Variants in DDHD1 observed in about 807,000 individuals in gnomAD.
DDHD1 encodes DDHD domain containing 1, also known as phospholipase DDHD1.
In DDHD1, 49 loss-of-function variants were observed where a neutral mutation model predicts 96.4. That is an observed-to-expected ratio of 0.51 (90% CI 0.40 to 0.64). The LOEUF is 0.64. DDHD1 is among the 30% of genes least tolerant of loss of function. The pLI is 0.00. For synonymous variants in DDHD1, 442 were observed against 446.5 expected (o/e 0.99, Z 0.13); for missense variants, 1,106 against 1,161.2 (o/e 0.95, Z 0.69).
intron 1 of DDHD1, among the ~76,000 whole-genome samples, chr14:53,136,076 CCCA>C (rs1349944507): frequency 2.0e-5 from 3 of 152,262 alleles, no homozygotes; most frequent in East Asian, 3.9e-4. Context: ...TGTAATTTCC[CCCA>C]CCCTTAAGAA....
chr14:53,070,963 G>C (rs563540582), intron 6 of DDHD1, among the ~76,000 whole-genome samples: 2 of 152,138 alleles, frequency 1.3e-5, no homozygotes, highest in African/African-American at 4.8e-5. Flanking sequence ...GGGATCTACA[G>C]GCAGCAACAC....
chr14:53,113,929 G>A (rs1249426241), intron 1 of DDHD1, among the ~76,000 whole-genome samples: 1 of 152,158 alleles, frequency 6.6e-6, no homozygotes, highest in Non-Finnish European at 1.5e-5. Context: ...CTCGCTCAGT[G>A]GGTCCCACTC....
At chr14:53,138,137 GC>G (rs1354785343) in intron 1 of DDHD1, among the ~76,000 whole-genome samples, 1 of 152,228 alleles carries the variant, frequency 6.6e-6, no homozygotes, top group African/African-American at 2.4e-5. Context: ...GGGTGCGGTG[GC>G]CCATGCCTGT....
intron 1 of DDHD1, among the ~76,000 whole-genome samples, chr14:53,123,811 G>C (rs1194818726): frequency 6.6e-6 from 1 of 152,190 alleles, no homozygotes; most frequent in East Asian, 1.9e-4. Context: ...GATTGTATCT[G>C]TAAAGTTTAA....
intron 2 of DDHD1, among the ~76,000 whole-genome samples, chr14:53,094,256 GA>G (rs1217718368): frequency 1.3e-5 from 2 of 151,904 alleles, no homozygotes; most frequent in African/African-American, 4.8e-5. Context: ...TTTAAACTGG[GA>G]AAAAAATAAT....
At chr14:53,128,494 A>C (rs146352028) in intron 1 of DDHD1, among the ~76,000 whole-genome samples, 380 of 152,304 alleles carry the variant, frequency 2.5e-3, no homozygotes, top group African/African-American at 8.8e-3. Context: ...TGCGATTCAC[A>C]GGACTCTGCC....
chr14:53,144,848 A>G (rs1181373171), intron 1 of DDHD1, among the ~76,000 whole-genome samples: 4 of 152,210 alleles, frequency 2.6e-5, no homozygotes, highest in Admixed American at 6.5e-5. Context: ...CCTGTGCATC[A>G]TCCAAAATTA....
chr14:53,060,556 C>T (rs549950824), intron 8 of DDHD1, among the ~76,000 whole-genome samples: 1 of 152,264 alleles, frequency 6.6e-6, no homozygotes, highest in East Asian at 1.9e-4. Context: ...GCTTTCCATC[C>T]CTGGAATCAT....
At chr14:53,051,486 T>TA (rs1566514609) in intron 12 of DDHD1, among the ~76,000 whole-genome samples, 1 of 152,008 alleles carries the variant, frequency 6.6e-6, no homozygotes, top group Non-Finnish European at 1.5e-5. Flanking sequence ...TTTGTACTAT[T>TA]AGAAACCCTT....
At position 53,039,006 on chromosome 14, in the gene DDHD1, C is replaced by T. The variant is rs1722774614; in HGVS notation, c.*7762G>A. The stretch of plus-strand genomic sequence containing the variant: ...CAACCAGGGGATCACAAGACATTAT[C>T]TTCAAAGACAACTTCATTAGGAATG... On this transcript the variant is annotated 3_prime_UTR_variant, in exon 13 of 13. Transcript: ENST00000673822. 6.6e-6 allele frequency: 1 copy of T among 152,164 alleles called. No homozygotes were observed. The highest frequency in any genetic ancestry group is 2.4e-5 in the African/African-American group (1 of 41,450). 9.4% of individuals were successfully genotyped at this position (152,164 alleles called of 1,614,324 possible).
intron 2 of DDHD1, among the ~76,000 whole-genome samples, chr14:53,101,207 T>C (rs748055552): frequency 1.3e-5 from 2 of 152,154 alleles, no homozygotes; most frequent in African/African-American, 4.8e-5. Context: ...TTAGTCTTTG[T>C]AGTTACAAAT....
rs781138250 is a variant in DDHD1, at chr14:53,152,296, A to G, written c.803T>C (p.Val268Ala). The change falls in exon 1 of 13, where the codon GTG becomes GCG. Residue 268 changes from valine (V) to alanine (A), a missense_variant. By Grantham distance (64) the Val-to-Ala change is moderately conservative. This residue lies in a region of DDHD1 where 456 missense variants were observed against 402.4 expected (regional missense o/e 1.13). Coordinates refer to ENST00000673822, the MANE Select transcript of DDHD1 (RefSeq NM_001160148.2). Reference protein sequence around the residue: ...CVRGGLYEVDVTQGECYPVYW... With the variant: ...CVRGGLYEVDATQGECYPVYW... Reference sequence around the variant, plus strand: ...CACCGGGTAGCACTCTCCTTGGGTCACATCCACCTCGTAGAGGCCGCCCCG... The same window carrying G: ...CACCGGGTAGCACTCTCCTTGGGTCGCATCCACCTCGTAGAGGCCGCCCCG... 2.5e-6 allele frequency: 4 copies of G among 1,613,322 alleles called. No individual in the cohort carries two copies. Among genetic ancestry groups the G allele is most frequent in the Non-Finnish European group, 3.4e-6 (4 of 1,179,606 alleles).
chr14:53,118,451 G>A (rs1222522043), intron 1 of DDHD1, among the ~76,000 whole-genome samples: 1 of 152,174 alleles, frequency 6.6e-6, no homozygotes, highest in Non-Finnish European at 1.5e-5. Flanking sequence ...AATAAACAGT[G>A]TAAAGAAGAC....
At chr14:53,127,706 A>G (rs1208547866) in intron 1 of DDHD1, among the ~76,000 whole-genome samples, 3 of 152,190 alleles carry the variant, frequency 2.0e-5, no homozygotes, top group East Asian at 1.9e-4. Flanking sequence ...AATACATACT[A>G]AGACCTGAAG....
At chr14:53,150,485 T>C (rs531541492) in intron 1 of DDHD1, among the ~76,000 whole-genome samples, 25 of 152,366 alleles carry the variant, frequency 1.6e-4, no homozygotes, top group Middle Eastern at 3.4e-3. Flanking sequence ...AAATAATCAA[T>C]GTCAAAAATC....
chr14:53,094,350 T>C (rs1249503150), intron 2 of DDHD1, among the ~76,000 whole-genome samples: 1 of 152,128 alleles, frequency 6.6e-6, no homozygotes, highest in Non-Finnish European at 1.5e-5. Flanking sequence ...AAATCCAAAA[T>C]TGAAAGATAT....
At chr14:53,088,943 T>C (rs1375430642) in intron 4 of DDHD1, among the ~76,000 whole-genome samples, 1 of 152,116 alleles carries the variant, frequency 6.6e-6, no homozygotes, top group African/African-American at 2.4e-5. Context: ...GCCCAAAATC[T>C]CCTTAAGCTG....
At chr14:53,144,093 TC>T (rs1326369098) in intron 1 of DDHD1, among the ~76,000 whole-genome samples, 1 of 152,138 alleles carries the variant, frequency 6.6e-6, no homozygotes, top group African/African-American at 2.4e-5. Context: ...AGCACCTTTC[TC>T]CCCTACCAAA....
At chr14:53,071,987 A>G (rs1036904127) in intron 6 of DDHD1, among the ~76,000 whole-genome samples, 2 of 152,152 alleles carry the variant, frequency 1.3e-5, no homozygotes, top group Admixed American at 6.6e-5. Flanking sequence ...CTCATCCTTC[A>G]AATGAGGATA....
Sources: gnomAD v4.1 joint callset for allele counts (sites outside exome capture counted in the v4.1 genomes callset) on GRCh38, gnomAD v4.1.1 for gene constraint, gnomAD v4.1.1 regional missense constraint, MANE v1.5 for transcripts, NCBI Gene and HGNC (gene_info 2026-07-23, HGNC 2026-07-21) for gene names.